PLEKHA7: variants seen among roughly 807,000 people sequenced by gnomAD.
The protein encoded by PLEKHA7 is pleckstrin homology domain containing A7, also known as pleckstrin homology domain-containing family A member 7.
In PLEKHA7, 104 loss-of-function variants were observed where a neutral mutation model predicts 170.0. That is an observed-to-expected ratio of 0.61 (90% CI 0.52 to 0.72). The LOEUF (loss-of-function observed/expected upper bound fraction) is 0.72. Ranked by LOEUF, PLEKHA7 falls within the 30% of genes least tolerant of loss-of-function variation. The pLI, the probability that PLEKHA7 is intolerant of heterozygous loss-of-function variation, is 0.00. For missense variants in PLEKHA7, 1,615 were observed against 1,671.7 expected (o/e 0.97, Z 0.59); for synonymous variants, 648 against 660.8 (o/e 0.98, Z 0.30).
chr11:16,848,105 T>C (rs1475748801), intron 8 of PLEKHA7, among the ~76,000 whole-genome samples: 5 of 151,960 alleles, frequency 3.3e-5, no homozygotes, highest in African/African-American at 1.2e-4. Context: ...GCAGCAGAAG[T>C]GGAGAGGAGG....
chr11:16,836,205 G>C (rs1851500771), intron 9 of PLEKHA7, among the ~76,000 whole-genome samples: 1 of 152,208 alleles, frequency 6.6e-6, no homozygotes, highest in Admixed American at 6.5e-5. Flanking sequence ...CCAGGCCCTA[G>C]ATGTGCCAGG....
At chr11:16,981,945 T>G (rs1863455056) in intron 3 of PLEKHA7, among the ~76,000 whole-genome samples, 1 of 152,136 alleles carries the variant, frequency 6.6e-6, no homozygotes, top group Non-Finnish European at 1.5e-5. Flanking sequence ...CACGTTGCCC[T>G]TATTTAAAAA....
chr11:16,786,135 G>C (rs1051784878), intron 24 of PLEKHA7, 94 bp downstream of exon 24: 4 of 1,428,324 alleles, frequency 2.8e-6, no homozygotes, highest in Non-Finnish European at 3.8e-6. Flanking sequence ...CCATGTCCCT[G>C]TTCAGGATGA....
intron 21 of PLEKHA7, 136 bp downstream of exon 21, chr11:16,790,662 C>A (rs1322011845): frequency 9.8e-6 from 8 of 817,988 alleles, no homozygotes; most frequent in Non-Finnish European, 1.5e-5. Flanking sequence ...TCCCTCTTGG[C>A]ATCCCAGACC....
intron 3 of PLEKHA7, among the ~76,000 whole-genome samples, chr11:17,011,500 C>A (rs530584926): frequency 6.6e-6 from 1 of 152,212 alleles, no homozygotes; most frequent in Admixed American, 6.5e-5. Context: ...GCCTAACTGA[C>A]TCCCTGTCTT....
chr11:16,921,612 C>T (rs1212343201), intron 3 of PLEKHA7, among the ~76,000 whole-genome samples: 1 of 152,184 alleles, frequency 6.6e-6, no homozygotes, highest in African/African-American at 2.4e-5. Context: ...AGTCAGCTAT[C>T]CAACAATAAC....
chr11:16,996,515 G>A (rs534258923), intron 3 of PLEKHA7, among the ~76,000 whole-genome samples: 1 of 152,304 alleles, frequency 6.6e-6, no homozygotes, highest in East Asian at 1.9e-4. Context: ...GTTCCAGAAA[G>A]GTTTCAGGTA....
chr11:16,797,435 G>C (rs1359618070), intron 17 of PLEKHA7, among the ~76,000 whole-genome samples: 1 of 152,072 alleles, frequency 6.6e-6, no homozygotes, highest in Non-Finnish European at 1.5e-5. Context: ...TCCCTACAGG[G>C]CCTGGCACTT....
chr11:16,935,652 A>C (rs779023099), intron 3 of PLEKHA7, among the ~76,000 whole-genome samples: 67 of 152,214 alleles, frequency 4.4e-4, no homozygotes, highest in Non-Finnish European at 7.8e-4. Flanking sequence ...GATAGAACTG[A>C]AAGCCTTGTG....
At chr11:16,826,048 T>G (rs1342608365) in intron 10 of PLEKHA7, 72 bp downstream of exon 10, 2 of 1,462,024 alleles carry the variant, frequency 1.4e-6, no homozygotes, top group African/African-American at 1.4e-5. Flanking sequence ...CAGCAAGTGC[T>G]GGCTAAATGA....
intron 10 of PLEKHA7, among the ~76,000 whole-genome samples, chr11:16,821,781 G>T (rs1850234346): frequency 6.6e-6 from 1 of 152,136 alleles, no homozygotes; most frequent in South Asian, 2.1e-4. Context: ...GATAATCAGA[G>T]ACTGAGACAC....
chr11:16,778,683 C>A lies in PLEKHA7; in HGVS notation c.*315G>T. On this transcript the variant is annotated 3_prime_UTR_variant, in exon 27 of 27. Transcript: ENST00000531066. ...CTGTACGTGCAGCTGCAAAGTCCTG[C>A]ATCCTCAACCTTCCTGCCACTCAGC... 2.3e-6 allele frequency: 1 copy of A among 435,020 alleles called. No homozygotes were observed. The highest frequency in any genetic ancestry group is 2.6e-5 in the South Asian group (1 of 38,906). The allele number at this position is 435,020 out of a possible 1,614,324, so 26.9% of individuals were successfully genotyped here.
At chr11:16,785,732 T>G (rs1402633031) in intron 24 of PLEKHA7, among the ~76,000 whole-genome samples, 1 of 152,208 alleles carries the variant, frequency 6.6e-6, no homozygotes, top group Non-Finnish European at 1.5e-5. Context: ...ACCAGAACTC[T>G]GCACTGTCTC....
At chr11:16,855,938 G>A in intron 4 of PLEKHA7, 24 bp from the exon 5 acceptor site, 1 of 1,571,134 alleles carries the variant, frequency 6.4e-7, no homozygotes, top group Non-Finnish European at 8.8e-7. Context: ...GGGGATTCCA[G>A]TGAGTAAAAG....
Position 16,803,302 on chromosome 11 carries a change from G to A in PLEKHA7, c.2008-7C>T. On this transcript the variant is annotated splice_region_variant and splice_polypyrimidine_tract_variant and intron_variant, in intron 13 of 26. Coordinates refer to ENST00000531066, the MANE Select transcript of PLEKHA7 (RefSeq NM_001329630.2). ...GAAGGTCCCGGCCTGTCATCTGGGAGGCGAACAATTTAAAAGAGATTTAAC... is the reference window on the plus strand; with the variant it reads ...GAAGGTCCCGGCCTGTCATCTGGGAAGCGAACAATTTAAAAGAGATTTAAC... 3 of 1,611,084 alleles carry A rather than the reference G, an allele frequency of 1.9e-6. No individual in the cohort carries two copies. Among genetic ancestry groups the A allele is most frequent in the Non-Finnish European group, 2.5e-6 (3 of 1,177,296 alleles).
chr11:16,889,727 GT>G (rs1207207360), intron 3 of PLEKHA7, among the ~76,000 whole-genome samples: 1 of 152,102 alleles, frequency 6.6e-6, no homozygotes, highest in East Asian at 1.9e-4. Flanking sequence ...TGGAAAACCT[GT>G]TTGAAAGAGT....
intron 3 of PLEKHA7, among the ~76,000 whole-genome samples, chr11:16,924,015 TA>T (rs1204572369): frequency 6.6e-6 from 1 of 152,048 alleles, no homozygotes; most frequent in Non-Finnish European, 1.5e-5. Context: ...GGTCTGTCTC[TA>T]ACCAACCCCC....
chr11:16,938,161 G>T (rs1421254037), intron 3 of PLEKHA7, among the ~76,000 whole-genome samples: 8 of 152,120 alleles, frequency 5.3e-5, no homozygotes, highest in African/African-American at 1.9e-4. Flanking sequence ...GAGGAAGGAG[G>T]CAGGATGCAA....
At chr11:16,836,315 C>G (rs1033502199) in intron 9 of PLEKHA7, among the ~76,000 whole-genome samples, 5 of 152,192 alleles carry the variant, frequency 3.3e-5, no homozygotes, top group Non-Finnish European at 7.3e-5. Context: ...GCCTTGAACC[C>G]CATTGCTTCT....
Sources: gnomAD v4.1 joint callset for allele counts (sites outside exome capture counted in the v4.1 genomes callset) on GRCh38, gnomAD v4.1.1 for gene constraint, MANE v1.5 for transcripts, NCBI Gene and HGNC (gene_info 2026-07-23, HGNC 2026-07-21) for gene names.